The following DYNC2H1 variants were observed in gnomAD, a reference collection of about 807,000 sequenced individuals.
DYNC2H1 encodes dynein cytoplasmic 2 heavy chain 1, also known as cytoplasmic dynein 2 heavy chain 1.
In DYNC2H1, 410 loss-of-function variants were observed where a neutral mutation model predicts 570.0. The ratio of observed to expected loss-of-function variants is 0.72; its 90% CI spans 0.66 to 0.78. DYNC2H1 has a LOEUF of 0.78. DYNC2H1 is among the 30% of genes least tolerant of loss of function. The probability of loss-of-function intolerance (pLI) is 0.00; values close to 1 mark genes in which losing one functional copy is unlikely to be tolerated. For missense variants in DYNC2H1, 4,865 were observed against 5,046.4 expected (o/e 0.96, Z 1.09); for synonymous variants, 1,688 against 1,677.6 (o/e 1.01, Z -0.15).
At chr11:103,342,626 C>G (rs987687190) in intron 82 of DYNC2H1, among the ~76,000 whole-genome samples, 4 of 151,992 alleles carry the variant, frequency 2.6e-5, no homozygotes, top group Non-Finnish European at 5.9e-5. Context: ...CCTCAGCCTC[C>G]TGAGTAGCTG....
intron 82 of DYNC2H1, among the ~76,000 whole-genome samples, chr11:103,351,175 G>A (rs571249667): frequency 3.9e-5 from 6 of 152,120 alleles, no homozygotes; most frequent in Non-Finnish European, 8.8e-5. Flanking sequence ...TGGGCTGGAA[G>A]GTTCAAAATG....
chr11:103,116,332 A>AT (rs1237077424), intron 4 of DYNC2H1, among the ~76,000 whole-genome samples: 6 of 152,180 alleles, frequency 3.9e-5, no homozygotes, highest in African/African-American at 1.2e-4. Flanking sequence ...AATTGTGTAA[A>AT]TGAATGAGTA....
At chr11:103,351,351 G>A (rs1359869606) in intron 82 of DYNC2H1, among the ~76,000 whole-genome samples, 2 of 152,142 alleles carry the variant, frequency 1.3e-5, no homozygotes, top group Non-Finnish European at 2.9e-5. Flanking sequence ...TATTGTTTTT[G>A]CCGTATTCTG....
rs749280074 is a variant in DYNC2H1, at chr11:103,253,329, A to G, written c.10087A>G (p.Asn3363Asp). The G allele has an allele frequency of 6.2e-7, 1 of 1,613,362 alleles. No homozygotes were observed. Among genetic ancestry groups the G allele is most frequent in the South Asian group, 1.1e-5 (1 of 91,032 alleles). Residue 3363 changes from asparagine (N) to aspartate (D), a missense_variant, in exon 66 of 89, where the codon AAT (asparagine) becomes GAT (aspartate). Coordinates refer to ENST00000375735, the MANE Select transcript of DYNC2H1 (RefSeq NM_001377.3). ...VQIGDKIIDYNEEFRLFLSTR... is the reference protein window; with the variant it reads ...VQIGDKIIDYDEEFRLFLSTR... ...AATAGGTGACAAAATTATTGACTACAATGAAGAATTCCGCCTCTTTTTGTC... is the reference window on the plus strand; with the variant it reads ...AATAGGTGACAAAATTATTGACTACGATGAAGAATTCCGCCTCTTTTTGTC...
intron 84 of DYNC2H1, 82 bp from the exon 85 acceptor site, chr11:103,435,861 T>C: frequency 7.2e-7 from 1 of 1,394,954 alleles, no homozygotes; most frequent in African/African-American, 1.4e-5. Context: ...GCCAAAATTT[T>C]TCTCCATCAC....
intron 82 of DYNC2H1, among the ~76,000 whole-genome samples, chr11:103,356,284 C>T (rs1940332585): frequency 1.3e-5 from 2 of 152,096 alleles, no homozygotes; most frequent in African/African-American, 4.8e-5. Flanking sequence ...AGTTATAGCC[C>T]TGTCCTCATT....
In DYNC2H1 at chr11:103,204,684, T is replaced by C. The variant is rs140630973; in HGVS notation, c.8312-138T>C. The C allele has an allele frequency of 9.6e-4, 521 of 541,442 alleles. 1 individual carries two copies. The highest frequency in any genetic ancestry group is 4.0e-3 in the Middle Eastern group (8 of 2,012). 33.5% of individuals were successfully genotyped at this position (541,442 alleles called of 1,614,324 possible). ...AGTGTTCTTTTAACTAAAATAAAAA[T>C]CATAACATAATATTGTTTTATATTG... On this transcript the variant is annotated intron_variant, in intron 51 of 88. Transcript: ENST00000375735. This position sits in a 1 kb window ranked among gnomAD's most constrained non-coding sequence, Gnocchi z 4.1.
chr11:103,288,477 T>C (rs894879815), intron 75 of DYNC2H1, among the ~76,000 whole-genome samples: 1 of 151,314 alleles, frequency 6.6e-6, no homozygotes, highest in Admixed American at 6.6e-5. Context: ...AATAGCCCTT[T>C]CCCAAAAAGA....
At chr11:103,292,986 A>T (rs1016438715) in intron 75 of DYNC2H1, among the ~76,000 whole-genome samples, 1 of 152,250 alleles carries the variant, frequency 6.6e-6, no homozygotes, top group Non-Finnish European at 1.5e-5. Context: ...TTACAGTGTT[A>T]GCATTTTATG....
chr11:103,461,933 AT>A lies in DYNC2H1; in HGVS notation c.12648+5585del, dbSNP rs147290488. ...GTTCTGAATGTGTTTCTTTAAAAAT[AT>A]TTTTTTTCTTAAATATAATGTATTA... On this transcript the variant is annotated intron_variant, in intron 87 of 88. Transcript: ENST00000375735. The surrounding 1 kb of genome is among the most constrained non-coding windows in gnomAD (Gnocchi z 4.8). 0.16 allele frequency among the ~76,000 whole-genome samples: 24,750 copies of A among 151,740 alleles called. 2,181 individuals carry two copies. Among genetic ancestry groups the A allele is most frequent in the Admixed American group, 0.24 (3,713 of 15,246 alleles).
Position 103,241,761 on chromosome 11 carries a change from G to A in DYNC2H1, c.9820-1932G>A, listed in dbSNP as rs536811142. 6.6e-6 allele frequency among the ~76,000 whole-genome samples: 1 copy of A among 152,244 alleles called. No individual in the cohort carries two copies. Among genetic ancestry groups the A allele is most frequent in the African/African-American group, 2.4e-5 (1 of 41,548 alleles). On this transcript the variant is annotated intron_variant, in intron 63 of 88. Transcript: ENST00000375735. This position sits in a 1 kb window ranked among gnomAD's most constrained non-coding sequence, Gnocchi z 5.1. ...GCAGTAAGTGAAATCTCTAGAAATA[G>A]ATGCTGGGTGATGCTCATACAGTGT... is the stretch of plus-strand genomic sequence containing the variant.
rs899759742 is a variant in DYNC2H1 at position 103,277,106 on chromosome 11, T to A, written c.10696-3242T>A. Among the ~76,000 whole-genome samples, 5 of 152,036 alleles carry A rather than the reference T, an allele frequency of 3.3e-5. No individual in the cohort carries two copies. Among genetic ancestry groups the A allele is most frequent in the Non-Finnish European group, 5.9e-5 (4 of 67,950 alleles). ...GTAATAGCCAAATAATGTATACATA[T>A]AAATAAAGAAAAAAAAGTCTCCTTT... is the stretch of plus-strand genomic sequence containing the variant. On this transcript the variant is annotated intron_variant, in intron 70 of 88. Coordinates refer to ENST00000375735, the MANE Select transcript of DYNC2H1 (RefSeq NM_001377.3). The surrounding 1 kb of genome is among the most constrained non-coding windows in gnomAD (Gnocchi z 4.3).
intron 80 of DYNC2H1, among the ~76,000 whole-genome samples, 165 bp from the exon 81 acceptor site, chr11:103,320,864 T>A (rs542223507): frequency 6.6e-6 from 1 of 152,318 alleles, no homozygotes; most frequent in East Asian, 1.9e-4. Flanking sequence ...TGGAAAATTT[T>A]ACTTGATTAA....
chr11:103,182,034 C>T, intron 40 of DYNC2H1, 148 bp downstream of exon 40: 1 of 731,858 alleles, frequency 1.4e-6, no homozygotes, highest in Non-Finnish European at 2.1e-6. Flanking sequence ...CTCTGTATCT[C>T]TTAGCATAAC....
intron 70 of DYNC2H1, among the ~76,000 whole-genome samples, chr11:103,265,129 CAT>C (rs2135289026): frequency 6.6e-6 from 1 of 152,236 alleles, no homozygotes; most frequent in East Asian, 1.9e-4. Flanking sequence ...CCAAACACCA[CAT>C]GTTCTCACAC....
At chr11:103,383,721 G>A (rs959989927) in intron 83 of DYNC2H1, among the ~76,000 whole-genome samples, 6 of 151,802 alleles carry the variant, frequency 4.0e-5, no homozygotes, top group South Asian at 4.2e-4. Flanking sequence ...TGATCTGCCC[G>A]CCTCAGCCTC....
intron 12 of DYNC2H1, among the ~76,000 whole-genome samples, chr11:103,126,382 A>G (rs1205476015): frequency 6.6e-6 from 1 of 152,192 alleles, no homozygotes; most frequent in Non-Finnish European, 1.5e-5. Flanking sequence ...GATATTGCCA[A>G]ATGTTCCCTG....
Position 103,133,483 on chromosome 11 carries a change from T to G in DYNC2H1, c.1954-72T>G. On this transcript the variant is annotated intron_variant, in intron 13 of 88. Coordinates refer to ENST00000375735, the MANE Select transcript of DYNC2H1 (RefSeq NM_001377.3). The surrounding 1 kb of genome is among the most constrained non-coding windows in gnomAD (Gnocchi z 4.8). Reference sequence around the variant, plus strand: ...TCAGAGTTGGGGATAGTTGAACTTTTGATATAGAATATTGAAACTTTTGGA... The same window carrying G: ...TCAGAGTTGGGGATAGTTGAACTTTGGATATAGAATATTGAAACTTTTGGA... The G allele has an allele frequency of 7.0e-7, 1 of 1,431,952 alleles. No homozygotes were observed. The highest frequency in any genetic ancestry group is 9.4e-7 in the Non-Finnish European group (1 of 1,061,636). The allele number at this position is 1,431,952 out of a possible 1,614,324, so 88.7% of individuals were successfully genotyped here.
intron 13 of DYNC2H1, among the ~76,000 whole-genome samples, chr11:103,130,697 A>G (rs1212713519): frequency 6.6e-6 from 1 of 152,114 alleles, no homozygotes; most frequent in East Asian, 1.9e-4. Context: ...ATTATTTTTG[A>G]CCTTTTCCCT....
Sources: gnomAD v4.1 joint callset for allele counts (sites outside exome capture counted in the v4.1 genomes callset) on GRCh38, gnomAD v4.1.1 for gene constraint, Gnocchi (gnomAD v3.1) non-coding constraint, MANE v1.5 for transcripts, NCBI Gene and HGNC (gene_info 2026-07-23, HGNC 2026-07-21) for gene names.